The following FAM13A variants were observed in gnomAD, a reference collection of about 807,000 sequenced individuals.
FAM13A encodes protein FAM13A.
Under a neutral mutation model 129.6 loss-of-function variants are expected in FAM13A, and 76 were observed. The observed-to-expected ratio is 0.59, with a 90% CI of 0.49 to 0.71. FAM13A has a LOEUF of 0.71. FAM13A is among the 30% of genes least tolerant of loss of function. FAM13A has a pLI of 0.00. For synonymous variants in FAM13A, 443 were observed against 449.9 expected, an observed-to-expected ratio of 0.98 and a Z score of 0.20; for missense variants, 1,108 against 1,249.3, an observed-to-expected ratio of 0.89 and a Z score of 1.70.
At chr4:88,806,701 G>A (rs1049418771) in intron 7 of FAM13A, among the ~76,000 whole-genome samples, 1 of 152,060 alleles carries the variant, frequency 6.6e-6, no homozygotes, top group Non-Finnish European at 1.5e-5. Flanking sequence ...GTAAGTGATG[G>A]GCTGTAATGT....
chr4:88,856,219 C>T (rs1578978218), intron 6 of FAM13A, among the ~76,000 whole-genome samples: 1 of 152,184 alleles, frequency 6.6e-6, no homozygotes, highest in East Asian at 1.9e-4. Flanking sequence ...GTGGCTCACA[C>T]CTGTAATCCT....
At chr4:88,886,935 T>C (rs1033805968) in intron 6 of FAM13A, among the ~76,000 whole-genome samples, 3 of 151,190 alleles carry the variant, frequency 2.0e-5, no homozygotes, top group Non-Finnish European at 4.4e-5. Flanking sequence ...AATTATGATA[T>C]ATATATTACC....
At chr4:88,749,990 ATG>A in intron 15 of FAM13A, 81 bp from the exon 16 acceptor site, 3 of 1,494,304 alleles carry the variant, frequency 2.0e-6, no homozygotes, top group Non-Finnish European at 2.8e-6. Context: ...GTGGGACACC[ATG>A]TGGCATGCGG....
chr4:88,983,286 T>C (rs1206307219), intron 4 of FAM13A, among the ~76,000 whole-genome samples: 10 of 152,110 alleles, frequency 6.6e-5, no homozygotes, highest in African/African-American at 2.2e-4. Context: ...AGAGGAAAAT[T>C]AGAGTTTTAA....
intron 19 of FAM13A, among the ~76,000 whole-genome samples, chr4:88,740,859 C>T (rs1461267003): frequency 6.6e-6 from 1 of 152,160 alleles, no homozygotes; most frequent in East Asian, 1.9e-4. Context: ...TTGGTATTTT[C>T]CTGCTTCTAC....
At chr4:88,897,088 T>C (rs891930895) in intron 6 of FAM13A, among the ~76,000 whole-genome samples, 4 of 152,184 alleles carry the variant, frequency 2.6e-5, no homozygotes, top group African/African-American at 7.2e-5. Context: ...AGTAAATGGG[T>C]TGTGAGGCTT....
At chr4:88,795,928 T>C (rs113115403) in intron 8 of FAM13A, among the ~76,000 whole-genome samples, 2,740 of 151,874 alleles carry the variant, frequency 0.018, 67 homozygotes, top group African/African-American at 0.061. Context: ...ATTAGTATCA[T>C]CTCTCATTTT....
intron 8 of FAM13A, among the ~76,000 whole-genome samples, chr4:88,792,334 T>G (rs1725347078): frequency 6.6e-6 from 1 of 152,082 alleles, no homozygotes; most frequent in Non-Finnish European, 1.5e-5. Flanking sequence ...TCTAAGCTCT[T>G]AATCACTCCA....
chr4:88,993,819 T>C (rs917637927), intron 3 of FAM13A, among the ~76,000 whole-genome samples: 7 of 151,882 alleles, frequency 4.6e-5, no homozygotes, highest in Admixed American at 2.0e-4. Flanking sequence ...ACCAACAAGA[T>C]GAAACCCTGT....
intron 3 of FAM13A, among the ~76,000 whole-genome samples, chr4:89,009,809 C>T (rs937232219): frequency 6.6e-6 from 1 of 152,132 alleles, no homozygotes; most frequent in Admixed American, 6.5e-5. Context: ...CAAAGGAGTC[C>T]TAGTCTGGGT....
chr4:88,742,084 G>A (rs1047677152), intron 19 of FAM13A, among the ~76,000 whole-genome samples: 13 of 152,172 alleles, frequency 8.5e-5, no homozygotes, highest in Admixed American at 4.6e-4. Flanking sequence ...AGACGGTTGA[G>A]TAACCAAAGA....
At chr4:89,030,486 C>T (rs535368424) in intron 1 of FAM13A, among the ~76,000 whole-genome samples, 1 of 152,128 alleles carries the variant, frequency 6.6e-6, no homozygotes, top group East Asian at 1.9e-4. Flanking sequence ...AAAATGCGAA[C>T]GGTCTTATTT....
intron 5 of FAM13A, chr4:88,937,860 C>G (rs1008865998): frequency 3.5e-6 from 2 of 565,128 alleles, no homozygotes; most frequent in Non-Finnish European, 6.3e-6. Flanking sequence ...TTTGAGATGA[C>G]TTTATAGCAA....
rs189282493 is a variant in FAM13A at position 88,930,334 on chromosome 4, T to C, written c.759+7754A>G. 1.7e-3 allele frequency among the ~76,000 whole-genome samples: 262 copies of C among 152,250 alleles called. 1 individual carries two copies. Among genetic ancestry groups the C allele is most frequent in the Non-Finnish European group, 3.0e-3 (203 of 68,022 alleles). On this transcript the variant is annotated intron_variant, in intron 5 of 23. Transcript: ENST00000264344. ...AATCACTTGTTCCCATTTTTAAAAA[T>C]TGCTTTTGTAGGGGAGAATTTTATT...
intron 7 of FAM13A, among the ~76,000 whole-genome samples, chr4:88,831,648 T>A (rs2149883909): frequency 6.6e-6 from 1 of 152,242 alleles, no homozygotes; most frequent in East Asian, 1.9e-4. Context: ...TAATAATTAT[T>A]TGGGTTATCA....
At chr4:88,925,599 C>A (rs966549504) in intron 5 of FAM13A, among the ~76,000 whole-genome samples, 2 of 151,078 alleles carry the variant, frequency 1.3e-5, no homozygotes, top group Non-Finnish European at 2.9e-5. Flanking sequence ...TGCTAAATGT[C>A]GAGTTAATGG....
At chr4:88,954,370 G>A (rs535878956) in intron 4 of FAM13A, among the ~76,000 whole-genome samples, 2 of 152,250 alleles carry the variant, frequency 1.3e-5, no homozygotes, top group East Asian at 3.9e-4. Context: ...GCAGTAAACT[G>A]CCATCTATCC....
At chr4:89,033,528 T>C (rs961147021) in intron 1 of FAM13A, among the ~76,000 whole-genome samples, 1 of 152,152 alleles carries the variant, frequency 6.6e-6, no homozygotes, top group Non-Finnish European at 1.5e-5. Context: ...AAAAAACACA[T>C]GCTGTAAAGA....
At chr4:88,843,775 G>A (rs762502305) in intron 7 of FAM13A, among the ~76,000 whole-genome samples, 1 of 152,220 alleles carries the variant, frequency 6.6e-6, no homozygotes, top group East Asian at 1.9e-4. Context: ...AGTGCAGAGA[G>A]CTGCAGAGAA....
Sources: gnomAD v4.1 joint callset for allele counts (sites outside exome capture counted in the v4.1 genomes callset) on GRCh38, gnomAD v4.1.1 for gene constraint, MANE v1.5 for transcripts, NCBI Gene and HGNC (gene_info 2026-07-23, HGNC 2026-07-21) for gene names.